The following VPS11 variants were observed in gnomAD, a reference collection of about 807,000 sequenced individuals.
The protein encoded by VPS11 is vacuolar protein sorting-associated protein 11 homolog.
In VPS11, 51 loss-of-function variants were observed where a neutral mutation model predicts 106.8. The ratio of observed to expected loss-of-function variants is 0.48; its 90% CI spans 0.38 to 0.60. The LOEUF (loss-of-function observed/expected upper bound fraction) is 0.60, where lower values mean the gene tolerates loss of function less well. Ranked by LOEUF, VPS11 falls within the 20% of genes least tolerant of loss-of-function variation. The pLI, the probability that VPS11 is intolerant of heterozygous loss-of-function variation, is 0.00. For synonymous variants in VPS11, 453 were observed against 458.7 expected, an observed-to-expected ratio of 0.99 and a Z score of 0.16; for missense variants, 950 against 1,190.0, an observed-to-expected ratio of 0.80 and a Z score of 2.97.
chr11:119,081,134 T>A lies in VPS11; in HGVS notation c.2481T>A (p.Ser827Arg), dbSNP rs1945832340. The change falls in exon 15 of 16, where the codon AGT (serine) becomes AGA (arginine). Residue 827 changes from serine (S) to arginine (R), a missense_variant. Physicochemically the swap from Ser to Arg is moderately radical, Grantham distance 110. Around this residue, in one of 3 missense-constraint regions of VPS11, gnomAD observed 453 missense variants for 514.6 expected, o/e 0.88. Coordinates refer to ENST00000621676, the MANE Select transcript of VPS11 (RefSeq NM_021729.6). ...FQKTKCSICN[S>R]ALELPSVHFL... Reference sequence around the variant, plus strand: ...AGACCAAGTGCAGCATCTGTAACAGTGCCTTGGAGTTGCCCTCAGTCCACT... The same window carrying A: ...AGACCAAGTGCAGCATCTGTAACAGAGCCTTGGAGTTGCCCTCAGTCCACT... The A allele has an allele frequency of 6.2e-7, 1 of 1,614,048 alleles. No homozygotes were observed. The highest frequency in any genetic ancestry group is 8.5e-7 in the Non-Finnish European group (1 of 1,179,892).
At chr11:119,074,554 C>G (rs971746582) in intron 7 of VPS11, among the ~76,000 whole-genome samples, 1 of 152,144 alleles carries the variant, frequency 6.6e-6, no homozygotes, top group Admixed American at 6.6e-5. Context: ...CAGGATCATG[C>G]TGCCATGCCT....
chr11:119,073,426 G>T, intron 6 of VPS11, 27 bp downstream of exon 6: 1 of 1,607,462 alleles, frequency 6.2e-7, no homozygotes, highest in Non-Finnish European at 8.5e-7. Flanking sequence ...CGCAGAGCTG[G>T]CCACAGGCAC....
In VPS11 at chr11:119,070,537, A is replaced by G. The variant is rs116961142; in HGVS notation, c.636+140A>G. 92 of 1,007,998 alleles carry G rather than the reference A, an allele frequency of 9.1e-5. No individual in the cohort carries two copies. The East Asian group carries it at 2.1e-3, about 23-fold the overall frequency. 62.4% of individuals were successfully genotyped at this position (1,007,998 alleles called of 1,614,324 possible). On this transcript the variant is annotated intron_variant, in intron 4 of 15. Transcript: ENST00000621676. Reference sequence around the variant, plus strand: ...ATTCGAATCATTTGCCTAGCTTTGTATTTTATTTTTTTGCCTAGGAAGCTG... The same window carrying G: ...ATTCGAATCATTTGCCTAGCTTTGTGTTTTATTTTTTTGCCTAGGAAGCTG...
In VPS11 at chr11:119,067,895, T is replaced by A. The variant is rs2133639530; in HGVS notation, c.72T>A (p.Asn24Lys). 7 of 1,596,370 alleles carry A rather than the reference T, an allele frequency of 4.4e-6. No homozygotes were observed. Among genetic ancestry groups the A allele is most frequent in the Admixed American group, 3.5e-5 (2 of 56,834 alleles). ...DKELVKEPLSNDGAAPGATPA... is the reference protein window; with the variant it reads ...DKELVKEPLSKDGAAPGATPA... ...AGCTGGTGAAGGAGCCGCTGAGCAA[T>A]GATGGGGCCGCTCCCGGGGCCACAC... Residue 24 changes from asparagine to lysine, a missense_variant, in exon 1 of 16, where the codon AAT (asparagine) becomes AAA (lysine). Physicochemically the swap from Asn to Lys is moderately conservative, Grantham distance 94. Around this residue, in one of 3 missense-constraint regions of VPS11, gnomAD observed 62 missense variants for 45.1 expected, o/e 1.37. Transcript: ENST00000621676.
rs2134796945 is a variant in VPS11, at chr11:119,078,795, G to T, written c.2064G>T (p.Leu688=). Residue 688 remains leucine (L), a splice_region_variant and synonymous_variant, in exon 13 of 16, where the codon CTG becomes CTT. Transcript: ENST00000621676. Reference sequence around the variant, plus strand: ...AGGTGTGCCCTTGCCCCGGCCGCAGGTTCCAGCAGATCATGCACTACCACA... The same window carrying T: ...AGGTGTGCCCTTGCCCCGGCCGCAGTTTCCAGCAGATCATGCACTACCACA... ...GVLYLYEQGK[L]FQQIMHYHMQ... 15 of 1,613,118 alleles carry T rather than the reference G, an allele frequency of 9.3e-6. No homozygotes were observed. Among genetic ancestry groups the T allele is most frequent in the Non-Finnish European group, 1.2e-5 (14 of 1,179,514 alleles).
At chr11:119,072,694 T>A (rs1414772033) in intron 5 of VPS11, 1 of 159,316 alleles carries the variant, frequency 6.3e-6, no homozygotes, top group African/African-American at 2.4e-5. Context: ...CCGGCCTTGT[T>A]TTGTTTTTTA....
rs1301389859 is a variant in VPS11, at chr11:119,071,592, GC to G, written c.637-3del. On this transcript the variant is annotated splice_polypyrimidine_tract_variant and splice_region_variant and intron_variant, in intron 4 of 15. Coordinates refer to ENST00000621676, the MANE Select transcript of VPS11 (RefSeq NM_021729.6). The stretch of plus-strand genomic sequence containing the variant: ...CCTGTTAACCCCTTTGTTGCTTCTG[GC>G]AGTCCTATATAGTTTCTGGAAAAGA... The G allele has an allele frequency of 6.2e-7, 1 of 1,613,720 alleles. No homozygotes were observed. Among genetic ancestry groups the G allele is most frequent in the Non-Finnish European group, 8.5e-7 (1 of 1,179,686 alleles).
At position 119,078,263 on chromosome 11, in the gene VPS11, T is replaced by G; in HGVS notation, c.1852T>G (p.Ser618Ala). The G allele has an allele frequency of 2.5e-6, 4 of 1,613,556 alleles. No homozygotes were observed. ...GCACATGAGTGAAGTGCAGCCAGAC[T>G]CACCCCAGGGGATCTACGACACACT... ...LEHMSEVQPD[S>A]PQGIYDTLLE... The change falls in exon 11 of 16, where the codon TCA becomes GCA. Residue 618 changes from serine to alanine, a missense_variant. Around this residue, in one of 3 missense-constraint regions of VPS11, gnomAD observed 453 missense variants for 514.6 expected, o/e 0.88. Coordinates refer to ENST00000621676, the MANE Select transcript of VPS11 (RefSeq NM_021729.6).
rs782494287 is a variant in VPS11 at position 119,079,246 on chromosome 11, G to A, written c.2384G>A (p.Arg795Gln). ...QIAQDELRVR[R>Q]YREETTRIRQ... is the part of the protein sequence containing the mutation. ...GCACAGGATGAGCTGCGGGTGCGGC[G>A]GTACCGAGAGGAGACCACCCGTATC... The change falls in exon 14 of 16, where the codon CGG becomes CAG. Residue 795 changes from arginine (R) to glutamine (Q), a missense_variant. Transcript: ENST00000621676. 5.0e-6 allele frequency: 8 copies of A among 1,607,410 alleles called. No homozygotes were observed. The Admixed American group carries it at 5.1e-5, about 10-fold the overall frequency.
chr11:119,079,719 G>T (rs1442636920), intron 14 of VPS11, among the ~76,000 whole-genome samples: 2 of 152,150 alleles, frequency 1.3e-5, no homozygotes, highest in African/African-American at 4.8e-5. Context: ...GGGATTACAG[G>T]CGTGTGCCAC....
Position 119,079,242 on chromosome 11 carries a change from C to T in VPS11, c.2380C>T (p.Arg794Trp), listed in dbSNP as rs782752025. The T allele has an allele frequency of 4.8e-5, 77 of 1,608,434 alleles. No individual in the cohort carries two copies. Among genetic ancestry groups the T allele is most frequent in the Middle Eastern group, 1.6e-4 (1 of 6,076 alleles). Residue 794 changes from arginine (R) to tryptophan (W), a missense_variant, in exon 14 of 16, where the codon CGG (arginine) becomes TGG (tryptophan). Transcript: ENST00000621676. ...QQIAQDELRVRRYREETTRIR... is the reference protein window; with the variant it reads ...QQIAQDELRVWRYREETTRIR... Reference sequence around the variant, plus strand: ...GATTGCACAGGATGAGCTGCGGGTGCGGCGGTACCGAGAGGAGACCACCCG... The same window carrying T: ...GATTGCACAGGATGAGCTGCGGGTGTGGCGGTACCGAGAGGAGACCACCCG...
chr11:119,073,317 C>A lies in VPS11; in HGVS notation c.1004C>A (p.Ala335Asp). Residue 335 changes from alanine to aspartate, a missense_variant, in exon 6 of 16, where the codon GCT becomes GAT. Ala to Asp is a moderately radical substitution (Grantham distance 126). Transcript: ENST00000621676. Reference protein sequence around the residue: ...TVFEDVVDVLAEWGSLYVLTR... With the variant: ...TVFEDVVDVLDEWGSLYVLTR... The stretch of plus-strand genomic sequence containing the variant: ...TTTGAGGATGTAGTGGATGTGCTTG[C>A]TGAGTGGGGCTCCCTGTACGTGCTG... 7 of 1,614,028 alleles carry A rather than the reference C, an allele frequency of 4.3e-6. No individual in the cohort carries two copies. The highest frequency in any genetic ancestry group is 5.9e-6 in the Non-Finnish European group (7 of 1,179,894).
At chr11:119,073,773 A>G (rs781883643) in intron 6 of VPS11, 27 bp from the exon 7 acceptor site, 2 of 1,594,864 alleles carry the variant, frequency 1.3e-6, no homozygotes, top group South Asian at 1.1e-5. Flanking sequence ...CACTTCTACC[A>G]ATTTTCTAAT....
At chr11:119,069,999 A>AAAAT (rs140755985) in intron 3 of VPS11, among the ~76,000 whole-genome samples, 6,571 of 141,728 alleles carry the variant, frequency 0.046, 215 homozygotes, top group Non-Finnish European at 0.054. Flanking sequence ...ACTCTGTCTC[A>AAAAT]AAATAAATAA....
Position 119,069,267 on chromosome 11 carries a change from G to T in VPS11, c.259G>T (p.Val87Leu). ...LTGFQAYKLR[V>L]THLYQLKQHN... Reference sequence around the variant, plus strand: ...AGGCTTCCAAGCCTACAAACTACGGGTGACACACCTGTACCAACTGAAGCA... The same window carrying T: ...AGGCTTCCAAGCCTACAAACTACGGTTGACACACCTGTACCAACTGAAGCA... The change falls in exon 2 of 16, where the codon GTG (valine) becomes TTG (leucine). Residue 87 changes from valine (V) to leucine (L), a missense_variant. By Grantham distance (32) the Val-to-Leu change is conservative. Around this residue, in one of 3 missense-constraint regions of VPS11, gnomAD observed 435 missense variants for 630.2 expected, o/e 0.69. Coordinates refer to ENST00000621676, the MANE Select transcript of VPS11 (RefSeq NM_021729.6). 1 of 1,613,966 alleles carries T rather than the reference G, an allele frequency of 6.2e-7. No homozygotes were observed. Among genetic ancestry groups the T allele is most frequent in the Non-Finnish European group, 8.5e-7 (1 of 1,179,880 alleles).
chr11:119,076,112 G>T (rs1341381746), intron 7 of VPS11, among the ~76,000 whole-genome samples: 3 of 151,998 alleles, frequency 2.0e-5, no homozygotes, highest in Non-Finnish European at 4.4e-5. Context: ...TGTAGTCCCA[G>T]CTACTCGGGA....
At chr11:119,071,950 T>A (rs1463271912) in intron 5 of VPS11, 107 bp downstream of exon 5, 2 of 1,396,270 alleles carry the variant, frequency 1.4e-6, no homozygotes, top group Admixed American at 4.4e-5. Flanking sequence ...CTACTCCTAC[T>A]CCGGTGTTAT....
intron 7 of VPS11, among the ~76,000 whole-genome samples, chr11:119,075,662 G>A (rs1389176633): frequency 4.6e-5 from 7 of 151,702 alleles, no homozygotes. Flanking sequence ...GACCAGCCTG[G>A]CCAACATGGC....
At chr11:119,073,441 A>C (rs961509431) in intron 6 of VPS11, 42 bp downstream of exon 6, 5 of 1,598,590 alleles carry the variant, frequency 3.1e-6, no homozygotes, top group Non-Finnish European at 4.3e-6. Flanking sequence ...AGGCACCTAG[A>C]AGCAGCTGCA....
Sources: allele counts gnomAD v4.1 joint callset (sites outside exome capture counted in the v4.1 genomes callset), GRCh38; gene constraint gnomAD v4.1.1; regional missense constraint gnomAD v4.1.1; transcripts MANE v1.5; gene names NCBI Gene and HGNC (gene_info 2026-07-23, HGNC 2026-07-21).